The following RAD51B variants were observed in gnomAD, a reference collection of about 807,000 sequenced individuals.
The protein encoded by RAD51B is RAD51 paralog B.
RAD51B carries 38 observed loss-of-function variants against 42.2 expected under a neutral mutation model. The ratio of observed to expected loss-of-function variants is 0.90; its 90% CI spans 0.70 to 1.18. The LOEUF (loss-of-function observed/expected upper bound fraction) is 1.18. Ranked by LOEUF, RAD51B falls within the 50% of genes most tolerant of loss-of-function variation. RAD51B has a pLI of 0.00. For synonymous variants in RAD51B, 154 were observed against 145.2 expected, an observed-to-expected ratio of 1.06 and a Z score of -0.43; for missense variants, 373 against 400.7, an observed-to-expected ratio of 0.93 and a Z score of 0.59.
chr14:68,434,676 G>T (rs911213953), intron 9 of RAD51B, among the ~76,000 whole-genome samples: 2 of 152,162 alleles, frequency 1.3e-5, no homozygotes, highest in African/African-American at 4.8e-5. Flanking sequence ...AGAATTCCCT[G>T]ACCCCTTGCA....
chr14:68,381,645 C>T (rs913002613), intron 8 of RAD51B, among the ~76,000 whole-genome samples: 1 of 152,140 alleles, frequency 6.6e-6, no homozygotes, highest in African/African-American at 2.4e-5. Context: ...CACTGCACTC[C>T]AGCCTGCTCA....
rs574893180 is a variant in RAD51B at position 68,292,873 on chromosome 14, C to G, written c.853+893C>G. On this transcript the variant is annotated intron_variant, in intron 8 of 10. Coordinates refer to ENST00000471583, the MANE Select transcript of RAD51B (RefSeq NM_133510.4). ...TAGTGGCTAATTTATGAAAACTGTA[C>G]AATGCTTTGTGTACGCTCCTTCCAA... is the stretch of plus-strand genomic sequence containing the variant. Among the ~76,000 whole-genome samples the G allele has an allele frequency of 3.3e-5, 5 of 152,284 alleles. No homozygotes were observed. In the South Asian group the frequency reaches 8.3e-4, roughly 25 times the overall value.
chr14:68,071,933 G>A (rs1229624986), intron 7 of RAD51B, among the ~76,000 whole-genome samples: 1 of 149,722 alleles, frequency 6.7e-6, no homozygotes, highest in African/African-American at 2.5e-5. Flanking sequence ...TTCAATTTTG[G>A]AACTCATTAT....
At chr14:68,682,869 A>G (rs1414124571) in intron 11 of RAD51B, 2 of 846,190 alleles carry the variant, frequency 2.4e-6, no homozygotes, top group Non-Finnish European at 2.8e-6. Flanking sequence ...TGAGTATCTC[A>G]CAAGGCTTTT....
At chr14:67,961,954 A>G (rs2074678794) in intron 7 of RAD51B, among the ~76,000 whole-genome samples, 2 of 152,350 alleles carry the variant, frequency 1.3e-5, no homozygotes, top group Middle Eastern at 3.4e-3. Flanking sequence ...ATGCACACAT[A>G]CACATAGACT....
At chr14:68,340,324 G>A (rs10151295) in intron 8 of RAD51B, among the ~76,000 whole-genome samples, 3,161 of 152,298 alleles carry the variant, frequency 0.021, 102 homozygotes, top group African/African-American at 0.068. Flanking sequence ...ATTTACATCT[G>A]TAGAGAAAAT....
chr14:67,946,272 G>A (rs886372092), intron 7 of RAD51B, among the ~76,000 whole-genome samples: 1 of 152,128 alleles, frequency 6.6e-6, no homozygotes, highest in Non-Finnish European at 1.5e-5. Context: ...GGGAAAAGTT[G>A]TTATGTCTCT....
intron 10 of RAD51B, among the ~76,000 whole-genome samples, chr14:68,551,881 G>A (rs566736301): frequency 5.9e-5 from 9 of 152,274 alleles, no homozygotes; most frequent in Admixed American, 3.3e-4. Context: ...ACAGAGCTGC[G>A]ATTTGAACCC....
At chr14:68,161,052 C>T (rs904615488) in intron 7 of RAD51B, among the ~76,000 whole-genome samples, 5 of 152,132 alleles carry the variant, frequency 3.3e-5, no homozygotes, top group Non-Finnish European at 5.9e-5. Flanking sequence ...GTTTTGATTT[C>T]TATAAATTGG....
At chr14:68,497,137 C>T in intron 10 of RAD51B, 2 of 1,396,958 alleles carry the variant, frequency 1.4e-6, no homozygotes, top group Non-Finnish European at 9.6e-7. Flanking sequence ...ATGGAAATTC[C>T]TAGAGACAGA....
chr14:68,633,348 G>T (rs1390765655), intron 10 of RAD51B, among the ~76,000 whole-genome samples: 1 of 152,104 alleles, frequency 6.6e-6, no homozygotes, highest in African/African-American at 2.4e-5. Flanking sequence ...ACAACGCCAA[G>T]GCTCGGATGC....
intron 8 of RAD51B, among the ~76,000 whole-genome samples, chr14:68,326,407 G>T (rs920059199): frequency 2.6e-5 from 4 of 152,066 alleles, no homozygotes; most frequent in African/African-American, 9.7e-5. Flanking sequence ...GTACCATCCT[G>T]GACCCTCTTA....
At chr14:68,234,331 A>G (rs2080203945) in intron 7 of RAD51B, among the ~76,000 whole-genome samples, 1 of 152,250 alleles carries the variant, frequency 6.6e-6, no homozygotes, top group South Asian at 2.1e-4. Flanking sequence ...CAGGTGGAGA[A>G]GTCCAATGGA....
At chr14:67,846,689 C>G (rs2041627441) in intron 4 of RAD51B, among the ~76,000 whole-genome samples, 1 of 152,160 alleles carries the variant, frequency 6.6e-6, no homozygotes, top group African/African-American at 2.4e-5. Flanking sequence ...TGTGCTCCAC[C>G]AGGTTGGGAC....
chr14:68,429,760 C>T (rs553598552), intron 9 of RAD51B, among the ~76,000 whole-genome samples: 2 of 152,170 alleles, frequency 1.3e-5, no homozygotes, highest in Non-Finnish European at 2.9e-5. Context: ...TAATTAGATC[C>T]CATTTGTCAA....
intron 7 of RAD51B, among the ~76,000 whole-genome samples, chr14:68,241,303 G>A (rs1271810623): frequency 1.3e-5 from 2 of 152,218 alleles, no homozygotes; most frequent in African/African-American, 4.8e-5. Context: ...AGCACTTCGG[G>A]AGGCCTAAGC....
chr14:67,840,275 C>T (rs1159379830), intron 4 of RAD51B, among the ~76,000 whole-genome samples: 1 of 152,066 alleles, frequency 6.6e-6, no homozygotes, highest in Non-Finnish European at 1.5e-5. Flanking sequence ...AGCCTTTTTC[C>T]CTGCTCCCTT....
chr14:68,622,772 A>G (rs1566957710), intron 10 of RAD51B, among the ~76,000 whole-genome samples: 1 of 148,744 alleles, frequency 6.7e-6, no homozygotes, highest in Non-Finnish European at 1.5e-5. Context: ...CCTGAGGGCT[A>G]TTTGTGTTAT....
At chr14:68,077,237 A>G (rs1171842360) in intron 7 of RAD51B, among the ~76,000 whole-genome samples, 1 of 152,182 alleles carries the variant, frequency 6.6e-6, no homozygotes, top group East Asian at 1.9e-4. Flanking sequence ...GAAGACTATG[A>G]TTTAGACTGT....
Sources: allele counts gnomAD v4.1 joint callset (sites outside exome capture counted in the v4.1 genomes callset), GRCh38; gene constraint gnomAD v4.1.1; transcripts MANE v1.5; gene names NCBI Gene and HGNC (gene_info 2026-07-23, HGNC 2026-07-21).